NEURL1B: variants seen among roughly 807,000 people sequenced by gnomAD.
NEURL1B encodes neuralized E3 ubiquitin protein ligase 1B, also known as E3 ubiquitin-protein ligase NEURL1B.
In NEURL1B, 13 loss-of-function variants were observed where a neutral mutation model predicts 37.4. The observed-to-expected ratio is 0.35, with a 90% CI of 0.23 to 0.55. The LOEUF (loss-of-function observed/expected upper bound fraction) is 0.55, where lower values mean the gene tolerates loss of function less well. Among genes scored for constraint, NEURL1B ranks in the 20% least tolerant of loss-of-function variants. The pLI, the probability that NEURL1B is intolerant of heterozygous loss-of-function variation, is 0.89. For synonymous variants in NEURL1B, 432 were observed against 426.6 expected, an observed-to-expected ratio of 1.01 and a Z score of -0.16; for missense variants, 790 against 879.2, an observed-to-expected ratio of 0.90 and a Z score of 1.28.
At chr5:172,648,805 C>G (rs1411547328) in intron 1 of NEURL1B, among the ~76,000 whole-genome samples, 1 of 152,220 alleles carries the variant, frequency 6.6e-6, no homozygotes, top group Admixed American at 6.5e-5. Context: ...AGGGTGGGGG[C>G]CCTCTCCAGG....
At chr5:172,664,837 A>C (rs1757980995) in intron 1 of NEURL1B, among the ~76,000 whole-genome samples, 1 of 152,218 alleles carries the variant, frequency 6.6e-6, no homozygotes. Flanking sequence ...GGAGGAAAAA[A>C]ATAAAGACTG....
At position 172,657,534 on chromosome 5, in the gene NEURL1B, C is replaced by G. The variant is rs1757818176; in HGVS notation, c.32-12251C>G. Reference sequence around the variant, plus strand: ...CATTACTAATATAACCTAGGAATAACCGGTGGGTATAGGGTCAGGTGCTGA... The same window carrying G: ...CATTACTAATATAACCTAGGAATAAGCGGTGGGTATAGGGTCAGGTGCTGA... On this transcript the variant is annotated intron_variant, in intron 1 of 4. Transcript: ENST00000369800. The surrounding 1 kb of genome is among the most constrained non-coding windows in gnomAD (Gnocchi z 4.0). Among the ~76,000 whole-genome samples the G allele has an allele frequency of 6.6e-6, 1 of 152,010 alleles. No individual in the cohort carries two copies. Among genetic ancestry groups the G allele is most frequent in the Admixed American group, 6.5e-5 (1 of 15,274 alleles).
chr5:172,659,557 G>A (rs1757857175), intron 1 of NEURL1B, among the ~76,000 whole-genome samples: 1 of 152,184 alleles, frequency 6.6e-6, no homozygotes, highest in South Asian at 2.1e-4. Flanking sequence ...GGGTCACTTT[G>A]ACTGGCATGG....
At chr5:172,671,758 G>A (rs1300266389) in intron 2 of NEURL1B, among the ~76,000 whole-genome samples, 1 of 152,222 alleles carries the variant, frequency 6.6e-6, no homozygotes, top group Non-Finnish European at 1.5e-5. Context: ...GAAAACCCTG[G>A]CCTGGGATTC....
intron 2 of NEURL1B, among the ~76,000 whole-genome samples, chr5:172,680,512 A>G (rs1758329124): frequency 1.3e-5 from 2 of 152,266 alleles, no homozygotes; most frequent in South Asian, 4.1e-4. Flanking sequence ...CATTGCACCG[A>G]CACTTCCAGA....
intron 3 of NEURL1B, among the ~76,000 whole-genome samples, chr5:172,685,127 G>A (rs1045559679): frequency 1.6e-4 from 25 of 152,190 alleles, no homozygotes; most frequent in Admixed American, 1.4e-3. Context: ...TCCTGAGCCT[G>A]TTTCCTTCTG....
chr5:172,650,732 C>T (rs1445518570), intron 1 of NEURL1B, among the ~76,000 whole-genome samples: 2 of 152,190 alleles, frequency 1.3e-5, no homozygotes, highest in Admixed American at 6.5e-5. Flanking sequence ...CAATGGTGAG[C>T]GCACACTTGG....
intron 2 of NEURL1B, among the ~76,000 whole-genome samples, chr5:172,679,611 A>G (rs1398444295): frequency 1.3e-5 from 2 of 152,232 alleles, no homozygotes; most frequent in Non-Finnish European, 2.9e-5. Flanking sequence ...AAGAGGAACA[A>G]AGCTCCTTCC....
intron 1 of NEURL1B, among the ~76,000 whole-genome samples, chr5:172,660,485 C>T (rs773195322): frequency 3.2e-4 from 48 of 152,212 alleles, no homozygotes; most frequent in Non-Finnish European, 5.7e-4. Context: ...AGCAGAGTGG[C>T]AGTTACCAGC....
At position 172,686,940 on chromosome 5, in the gene NEURL1B, G is replaced by A. The variant is rs754600403; in HGVS notation, c.*15G>A. 33 of 1,537,416 alleles carry A rather than the reference G, an allele frequency of 2.1e-5. No homozygotes were observed. The highest frequency in any genetic ancestry group is 5.9e-5 in the Admixed American group (3 of 50,714). On this transcript the variant is annotated 3_prime_UTR_variant, in exon 5 of 5. Transcript: ENST00000369800. The surrounding 1 kb of genome is among the most constrained non-coding windows in gnomAD (Gnocchi z 7.9). ...ACAGGCCATAGCCTAGCCTGCCCAC[G>A]GGCCTTGGCCGGTGCAAGGTCACCT...
intron 3 of NEURL1B, among the ~76,000 whole-genome samples, chr5:172,684,653 A>G (rs1483065052): frequency 6.6e-6 from 1 of 152,244 alleles, no homozygotes; most frequent in Non-Finnish European, 1.5e-5. Context: ...GGCCTGAACC[A>G]TCCTATTTTG....
chr5:172,658,259 C>T (rs143054792), intron 1 of NEURL1B, among the ~76,000 whole-genome samples: 6 of 152,296 alleles, frequency 3.9e-5, no homozygotes, highest in Non-Finnish European at 5.9e-5. Context: ...GGAGAACACC[C>T]GCTAAGCTCC....
intron 1 of NEURL1B, among the ~76,000 whole-genome samples, chr5:172,658,133 G>A (rs373926848): frequency 6.6e-4 from 101 of 152,014 alleles, no homozygotes; most frequent in African/African-American, 2.3e-3. Context: ...CCAGCCTTTC[G>A]GGGCCACTTA....
Position 172,661,267 on chromosome 5 carries a change from C to T in NEURL1B, c.32-8518C>T, listed in dbSNP as rs1198645855. On this transcript the variant is annotated intron_variant, in intron 1 of 4. Transcript: ENST00000369800. This position sits in a 1 kb window ranked among gnomAD's most constrained non-coding sequence, Gnocchi z 4.0. ...CCCTGAAGTTGAATATCAGATTGTG[C>T]ATGGAGTCTGGGTATGTTTCTGGGG... is the stretch of plus-strand genomic sequence containing the variant. 3.3e-5 allele frequency among the ~76,000 whole-genome samples: 5 copies of T among 152,170 alleles called. No individual in the cohort carries two copies. The highest frequency in any genetic ancestry group is 4.4e-5 in the Non-Finnish European group (3 of 68,032).
At chr5:172,672,544 C>CCCT (rs776265873) in intron 2 of NEURL1B, among the ~76,000 whole-genome samples, 5 of 147,106 alleles carry the variant, frequency 3.4e-5, no homozygotes, top group Admixed American at 2.0e-4. Context: ...GAACTCTCCC[C>CCCT]CCCCCACTCT....
At chr5:172,659,486 C>A (rs796918934) in intron 1 of NEURL1B, among the ~76,000 whole-genome samples, 31 of 152,260 alleles carry the variant, frequency 2.0e-4, no homozygotes, top group African/African-American at 7.2e-4. Context: ...AGGGGCAGGA[C>A]CATGTCAGCC....
Position 172,647,736 on chromosome 5 carries a change from T to C in NEURL1B, c.31+6299T>C, listed in dbSNP as rs1300921493. On this transcript the variant is annotated intron_variant, in intron 1 of 4. Coordinates refer to ENST00000369800, the MANE Select transcript of NEURL1B (RefSeq NM_001142651.3). The surrounding 1 kb of genome is among the most constrained non-coding windows in gnomAD (Gnocchi z 4.2). ...CCCCGCCCACCTCACCCCAGGCCTGTAGACTCTGGAACTCAAAAGCTGGAT... is the reference window on the plus strand; with the variant it reads ...CCCCGCCCACCTCACCCCAGGCCTGCAGACTCTGGAACTCAAAAGCTGGAT... 4.0e-5 allele frequency among the ~76,000 whole-genome samples: 6 copies of C among 149,646 alleles called. No homozygotes were observed. Among genetic ancestry groups the C allele is most frequent in the Admixed American group, 4.0e-4 (6 of 15,082 alleles).
In NEURL1B at chr5:172,683,722, C is replaced by T. The variant is rs1268038127; in HGVS notation, c.881C>T (p.Ala294Val). The T allele has an allele frequency of 4.4e-6, 6 of 1,357,276 alleles. No homozygotes were observed. The African/African-American group carries it at 6.2e-5, about 14-fold the overall frequency. 84.1% of individuals were successfully genotyped at this position (1,357,276 alleles called of 1,614,324 possible). A position where few individuals can be genotyped will look rare whatever the true frequency, so the allele number is the denominator to read the frequency against. ...ATRGPDVSLSADRKVACAPRP... is the reference protein window; with the variant it reads ...ATRGPDVSLSVDRKVACAPRP... Reference sequence around the variant, plus strand: ...CGCGGGCCCGACGTGAGCCTGTCGGCCGACCGCAAAGTGGCCTGCGCACCG... The same window carrying T: ...CGCGGGCCCGACGTGAGCCTGTCGGTCGACCGCAAAGTGGCCTGCGCACCG... The change falls in exon 3 of 5, where the codon GCC (alanine) becomes GTC (valine). Residue 294 changes from alanine to valine, a missense_variant. Transcript: ENST00000369800. This position sits in a 1 kb window ranked among gnomAD's most constrained non-coding sequence, Gnocchi z 5.6.
Position 172,684,003 on chromosome 5 carries a change from C to A in NEURL1B, c.1162C>A (p.Leu388Met). 7.5e-7 allele frequency: 1 copy of A among 1,332,982 alleles called. No individual in the cohort carries two copies. Among genetic ancestry groups the A allele is most frequent in the Non-Finnish European group, 9.6e-7 (1 of 1,039,634 alleles). The allele number at this position is 1,332,982 out of a possible 1,614,324, so 82.6% of individuals were successfully genotyped here. A position where few individuals can be genotyped will look rare whatever the true frequency, so the allele number is the denominator to read the frequency against. Residue 388 changes from leucine to methionine, a missense_variant, in exon 3 of 5, where the codon CTG becomes ATG. Around this residue, in one of 3 missense-constraint regions of NEURL1B, gnomAD observed 460 missense variants for 407.4 expected, o/e 1.13. Transcript: ENST00000369800. The stretch of plus-strand genomic sequence containing the variant: ...CGGCGGCGACGCGCTCAGCTTCACG[C>A]TGCGGCCCGGCGGCGACGTGCTCCT... ...PSGGDALSFT[L>M]RPGGDVLLGI...
Sources: allele counts gnomAD v4.1 joint callset (sites outside exome capture counted in the v4.1 genomes callset), GRCh38; gene constraint gnomAD v4.1.1; regional missense constraint gnomAD v4.1.1; non-coding constraint Gnocchi (gnomAD v3.1); transcripts MANE v1.5; gene names NCBI Gene and HGNC (gene_info 2026-07-23, HGNC 2026-07-21).